The following N4BP1 variants were observed in gnomAD, a reference collection of about 807,000 sequenced individuals.
N4BP1 encodes the protein NEDD4 binding protein 1.
In N4BP1, 21 loss-of-function variants were observed where a neutral mutation model predicts 70.9. The observed-to-expected ratio is 0.30, with a 90% CI of 0.21 to 0.43. The LOEUF is 0.43. N4BP1 is among the 20% of genes least tolerant of loss of function. N4BP1 has a pLI of 1.00. For missense variants in N4BP1, 936 were observed against 1,069.4 expected (o/e 0.88, Z 1.74); for synonymous variants, 387 against 394.6 (o/e 0.98, Z 0.23).
intron 1 of N4BP1, among the ~76,000 whole-genome samples, chr16:48,598,471 G>A (rs998065524): frequency 3.3e-5 from 5 of 152,206 alleles, no homozygotes; most frequent in Non-Finnish European, 5.9e-5. Flanking sequence ...AGGAAAAGAA[G>A]GTGGAGAGTC....
intron 1 of N4BP1, among the ~76,000 whole-genome samples, chr16:48,595,183 C>T (rs1036410614): frequency 6.6e-6 from 1 of 151,852 alleles, no homozygotes; most frequent in Non-Finnish European, 1.5e-5. Context: ...TTTTCAAAGC[C>T]AAATGTGGTG....
At chr16:48,609,712 C>A (rs1330939236) in intron 1 of N4BP1, 63 bp downstream of exon 1, 2 of 1,219,396 alleles carry the variant, frequency 1.6e-6, no homozygotes, top group Non-Finnish European at 2.1e-6. Context: ...CGGGGAGGAG[C>A]GGGAGCCCGG....
At chr16:48,597,877 T>G (rs1964440230) in intron 1 of N4BP1, among the ~76,000 whole-genome samples, 1 of 152,222 alleles carries the variant, frequency 6.6e-6, no homozygotes, top group Admixed American at 6.5e-5. Context: ...CATAAGCTTC[T>G]GTATAATGCT....
intron 1 of N4BP1, among the ~76,000 whole-genome samples, chr16:48,598,537 T>A (rs1964453356): frequency 6.6e-6 from 1 of 152,076 alleles, no homozygotes; most frequent in Non-Finnish European, 1.5e-5. Flanking sequence ...AAAATGAAAT[T>A]AATGAGACTA....
At chr16:48,546,427 T>C (rs1264298806) in intron 5 of N4BP1, 173 bp from the exon 6 acceptor site, 1 of 412,214 alleles carries the variant, frequency 2.4e-6, no homozygotes, top group Non-Finnish European at 4.3e-6. Flanking sequence ...ACCCTTTTAA[T>C]TTCTGTTTTG....
chr16:48,556,882 CATCT>C (rs1489656802), intron 2 of N4BP1, among the ~76,000 whole-genome samples: 1 of 152,174 alleles, frequency 6.6e-6, no homozygotes, highest in Non-Finnish European at 1.5e-5. Flanking sequence ...GGGCAAACCC[CATCT>C]ACATGGAAAA....
At chr16:48,599,117 C>T (rs182685745) in intron 1 of N4BP1, among the ~76,000 whole-genome samples, 14 of 152,260 alleles carry the variant, frequency 9.2e-5, no homozygotes, top group Non-Finnish European at 1.5e-5. Context: ...GCTTGGAGAA[C>T]TGGTATATCT....
chr16:48,546,140 G>A lies in N4BP1; in HGVS notation c.2333+7C>T, dbSNP rs750917649. 1.6e-5 allele frequency: 25 copies of A among 1,582,698 alleles called. No individual in the cohort carries two copies. Among genetic ancestry groups the A allele is most frequent in the Non-Finnish European group, 2.2e-5 (25 of 1,155,850 alleles). ...TTTAATACAAGACAATCTGAAAAAG[G>A]AAATACCTAAGACAGACTTCCTTCT... On this transcript the variant is annotated splice_region_variant and intron_variant, in intron 6 of 6. Coordinates refer to ENST00000262384, the MANE Select transcript of N4BP1 (RefSeq NM_153029.4).
At chr16:48,574,942 C>A (rs957678851) in intron 1 of N4BP1, among the ~76,000 whole-genome samples, 1 of 152,216 alleles carries the variant, frequency 6.6e-6, no homozygotes, top group Non-Finnish European at 1.5e-5. Flanking sequence ...TGACCACAGA[C>A]AGAGTTGTCT....
rs1369063310 is a variant in N4BP1, at chr16:48,548,016, A to G, written c.2216T>C (p.Ile739Thr). 1 of 1,568,676 alleles carries G rather than the reference A, an allele frequency of 6.4e-7. No individual in the cohort carries two copies. Among genetic ancestry groups the G allele is most frequent in the Non-Finnish European group, 8.7e-7 (1 of 1,142,926 alleles). ...VNESVSWREI[I>T]TKRLLQYTFV... is the part of the protein sequence containing the mutation. Reference sequence around the variant, plus strand: ...AAGAAGAAAATATTACCTTTTTGTAATAATTTCTCTCCAAGAGACTGACTC... The same window carrying G: ...AAGAAGAAAATATTACCTTTTTGTAGTAATTTCTCTCCAAGAGACTGACTC... Residue 739 changes from isoleucine (I) to threonine (T), a missense_variant, in exon 5 of 7, where the codon ATT (isoleucine) becomes ACT (threonine). By Grantham distance (89) the Ile-to-Thr change is moderately conservative (BLOSUM62 -1). Coordinates refer to ENST00000262384, the MANE Select transcript of N4BP1 (RefSeq NM_153029.4).
chr16:48,561,020 G>A lies in N4BP1; in HGVS notation c.1623C>T (p.Ala541=). 6.2e-7 allele frequency: 1 copy of A among 1,613,970 alleles called. No homozygotes were observed. Residue 541 remains alanine (A), a synonymous_variant, in exon 2 of 7, where the codon GCC becomes GCT. Coordinates refer to ENST00000262384, the MANE Select transcript of N4BP1 (RefSeq NM_153029.4). ...EPLLPNNMKS[A]CEKRLGCCSS... Reference sequence around the variant, plus strand: ...TACAACATCCTAAACGTTTTTCACAGGCAGATTTCATATTATTTGGAAGCA... The same window carrying A: ...TACAACATCCTAAACGTTTTTCACAAGCAGATTTCATATTATTTGGAAGCA...
In N4BP1 at chr16:48,562,144, G is replaced by A; in HGVS notation, c.499C>T (p.His167Tyr). Reference sequence around the variant, plus strand: ...AAATCCATTGTGTAATTGTCTGCATGGGCTTCAACAAATTGTTTGAATTCC... The same window carrying A: ...AAATCCATTGTGTAATTGTCTGCATAGGCTTCAACAAATTGTTTGAATTCC... ...KREFKQFVEA[H>Y]ADNYTMDLLI... The change falls in exon 2 of 7, where the codon CAT (histidine) becomes TAT (tyrosine). Residue 167 changes from histidine (H) to tyrosine (Y), a missense_variant. His to Tyr is a moderately conservative substitution (Grantham distance 83). Around this residue, in one of 4 missense-constraint regions of N4BP1, gnomAD observed 187 missense variants for 217.1 expected, o/e 0.86. Coordinates refer to ENST00000262384, the MANE Select transcript of N4BP1 (RefSeq NM_153029.4). 6.2e-7 allele frequency: 1 copy of A among 1,613,942 alleles called. No homozygotes were observed. Among genetic ancestry groups the A allele is most frequent in the African/African-American group, 1.3e-5 (1 of 75,042 alleles).
At chr16:48,604,745 C>T (rs559419331) in intron 1 of N4BP1, among the ~76,000 whole-genome samples, 83 of 151,926 alleles carry the variant, frequency 5.5e-4, no homozygotes, top group Non-Finnish European at 1.1e-3. Context: ...TCGATGAATT[C>T]GATGTGTATG....
chr16:48,609,542 G>A (rs1333684037), intron 1 of N4BP1, among the ~76,000 whole-genome samples: 3 of 152,210 alleles, frequency 2.0e-5, no homozygotes, highest in African/African-American at 4.8e-5. Context: ...AGCCCTCTGA[G>A]GTAGGTACTT....
Position 48,543,024 on chromosome 16 carries a change from C to G in N4BP1, c.2571G>C (p.Leu857=). The G allele has an allele frequency of 6.2e-7, 1 of 1,614,060 alleles. No homozygotes were observed. Residue 857 remains leucine, a synonymous_variant, in exon 7 of 7, where the codon CTG becomes CTC. Transcript: ENST00000262384. Reference sequence around the variant, plus strand: ...GGAAGATCTTCAGAAGGGCTTCCCTCAGCTCGTTGGTTTCTGCAGAAGATC... The same window carrying G: ...GGAAGATCTTCAGAAGGGCTTCCCTGAGCTCGTTGGTTTCTGCAGAAGATC... ...AQRSSAETNE[L]REALLKIFPD...
At chr16:48,581,577 A>T (rs1964174992) in intron 1 of N4BP1, among the ~76,000 whole-genome samples, 1 of 152,234 alleles carries the variant, frequency 6.6e-6, no homozygotes, top group African/African-American at 2.4e-5. Context: ...CACAAAAATC[A>T]GTAGTGTTTC....
intron 1 of N4BP1, among the ~76,000 whole-genome samples, chr16:48,602,358 C>T (rs1181674765): frequency 6.6e-6 from 1 of 152,190 alleles, no homozygotes; most frequent in East Asian, 1.9e-4. Flanking sequence ...TGCTAATCTT[C>T]TATGATTATA....
At chr16:48,608,635 T>C (rs1166138141) in intron 1 of N4BP1, among the ~76,000 whole-genome samples, 60 of 151,950 alleles carry the variant, frequency 3.9e-4, no homozygotes, top group Non-Finnish European at 1.2e-4. Context: ...AGCAACATAC[T>C]GTGTTGCTTT....
intron 1 of N4BP1, among the ~76,000 whole-genome samples, chr16:48,605,251 G>C (rs1825684): frequency 6.6e-6 from 1 of 151,840 alleles, no homozygotes; most frequent in Non-Finnish European, 1.5e-5. Context: ...GGCTGGTCTC[G>C]AACTCCCGAC....
Sources: gnomAD v4.1 joint callset for allele counts (sites outside exome capture counted in the v4.1 genomes callset) on GRCh38, gnomAD v4.1.1 for gene constraint, gnomAD v4.1.1 regional missense constraint, MANE v1.5 for transcripts, NCBI Gene and HGNC (gene_info 2026-07-23, HGNC 2026-07-21) for gene names.